ZSCAN31: variants seen among roughly 807,000 people sequenced by gnomAD.
The protein encoded by ZSCAN31 is zinc finger and SCAN domain containing 31, also known as zinc finger and SCAN domain-containing protein 31.
ZSCAN31 carries 14 observed loss-of-function variants against 22.5 expected under a neutral mutation model. That is an observed-to-expected ratio of 0.62 (90% confidence interval 0.41 to 0.97). The LOEUF (loss-of-function observed/expected upper bound fraction) is 0.97, where lower values mean the gene tolerates loss of function less well. Ranked by LOEUF, ZSCAN31 falls within the 50% of genes least tolerant of loss-of-function variation. The probability of loss-of-function intolerance (pLI) is 0.00; values close to 1 mark genes in which losing one functional copy is unlikely to be tolerated. For synonymous variants in ZSCAN31, 168 were observed against 169.8 expected (o/e 0.99, Z 0.08); for missense variants, 424 against 483.4 (o/e 0.88, Z 1.15).
chr6:28,334,461 A>T (rs1048784304), intron 1 of ZSCAN31, among the ~76,000 whole-genome samples: 1 of 152,268 alleles, frequency 6.6e-6, no homozygotes, highest in African/African-American at 2.4e-5. Context: ...GAATGTTTTC[A>T]TTCACGTCAG....
intron 2 of ZSCAN31, among the ~76,000 whole-genome samples, chr6:28,342,258 C>A (rs545322637): frequency 2.6e-5 from 4 of 152,122 alleles, no homozygotes; most frequent in Non-Finnish European, 5.9e-5. Context: ...TGGAACTCTG[C>A]GATTTAGGAT....
intron 2 of ZSCAN31, among the ~76,000 whole-genome samples, chr6:28,352,762 T>G (rs1561929319): frequency 6.6e-6 from 1 of 152,188 alleles, no homozygotes; most frequent in South Asian, 2.1e-4. Flanking sequence ...TGTGGCAGCT[T>G]ATTAGGAGGA....
chr6:28,328,392 A>AC (rs1294143275), intron 2 of ZSCAN31, among the ~76,000 whole-genome samples: 1 of 152,220 alleles, frequency 6.6e-6, no homozygotes, highest in African/African-American at 2.4e-5. Context: ...TCAGAGACCT[A>AC]CCCCCAGGCG....
At chr6:28,327,656 AC>A in intron 2 of ZSCAN31, 123 bp from the exon 3 acceptor site, 2 of 1,150,528 alleles carry the variant, frequency 1.7e-6, no homozygotes, top group Non-Finnish European at 2.4e-6. Context: ...CAGTGGAAGG[AC>A]CAGAGTTTAA....
chr6:28,332,242 C>G (rs969313387), intron 1 of ZSCAN31: 1 of 152,220 alleles, frequency 6.6e-6, no homozygotes, highest in African/African-American at 2.4e-5. Context: ...ACAGACACTT[C>G]TTATTTTTAA....
upstream of ZSCAN31, among the ~76,000 whole-genome samples, chr6:28,338,864 G>GT (rs1764301316): frequency 6.6e-6 from 1 of 152,120 alleles, no homozygotes; most frequent in Admixed American, 6.5e-5. Flanking sequence ...TTTTAAAATT[G>GT]TTGACATTTG....
At chr6:28,327,324 ACTATCGCC>A (rs1763365546) in intron 3 of ZSCAN31, 51 bp downstream of exon 3, 1 of 1,589,540 alleles carries the variant, frequency 6.3e-7, no homozygotes, top group Admixed American at 1.7e-5. Flanking sequence ...CACAGTCTTA[ACTATCGCC>A]CTATATAGAC....
chr6:28,345,154 AAAAAAAG>A (rs760265029), intron 2 of ZSCAN31, among the ~76,000 whole-genome samples: 653 of 149,956 alleles, frequency 4.4e-3, no homozygotes, highest in Middle Eastern at 0.014. Context: ...CAAAAAAAAA[AAAAAAAG>A]AAAAAGAAAA....
chr6:28,355,428 G>A (rs1325873932), upstream of ZSCAN31: 1 of 152,232 alleles, frequency 6.6e-6, no homozygotes, highest in Non-Finnish European at 1.5e-5. Flanking sequence ...CTCTGTCGAG[G>A]AATACTGGAG....
chr6:28,346,282 G>T (rs942098402), intron 2 of ZSCAN31, among the ~76,000 whole-genome samples: 4 of 145,444 alleles, frequency 2.8e-5, no homozygotes, highest in Non-Finnish European at 6.0e-5. Context: ...GAAAAATGAA[G>T]TTTGTCACTC....
intron 3 of ZSCAN31, 99 bp downstream of exon 3, chr6:28,327,284 T>C: frequency 7.0e-7 from 1 of 1,428,360 alleles, no homozygotes; most frequent in Non-Finnish European, 9.5e-7. Context: ...AGCGTTTAAA[T>C]TCCAACCCAG....
upstream of ZSCAN31, chr6:28,356,016 T>A (rs1014296650): frequency 1.3e-5 from 2 of 152,206 alleles, no homozygotes; most frequent in African/African-American, 4.8e-5. Context: ...GATGCCGAGG[T>A]CCAAAGATAC....
At chr6:28,337,405 T>C (rs979584615), upstream of ZSCAN31, among the ~76,000 whole-genome samples, 1 of 152,062 alleles carries the variant, frequency 6.6e-6, no homozygotes, top group African/African-American at 2.4e-5. Flanking sequence ...GGATGGACTG[T>C]AAGGAAATGA....
chr6:28,354,674 AC>A (rs949160351), upstream of ZSCAN31, among the ~76,000 whole-genome samples: 2 of 152,208 alleles, frequency 1.3e-5, no homozygotes, highest in Non-Finnish European at 2.9e-5. Context: ...TGGTGATGTT[AC>A]CCCAATGTTG....
At chr6:28,335,235 A>G (rs1298743537) in intron 1 of ZSCAN31, 1 of 152,160 alleles carries the variant, frequency 6.6e-6, no homozygotes, top group Non-Finnish European at 1.5e-5. Context: ...AAGCCTGGGG[A>G]AAAAATCAGG....
At chr6:28,345,144 C>CAAAAAAA (rs60598517) in intron 2 of ZSCAN31, among the ~76,000 whole-genome samples, 5 of 93,620 alleles carry the variant, frequency 5.3e-5, no homozygotes, top group African/African-American at 1.5e-4. Context: ...AACTGTGTCT[C>CAAAAAAA]AAAAAAAAAA....
At chr6:28,342,445 C>T (rs1277713957) in intron 2 of ZSCAN31, among the ~76,000 whole-genome samples, 1 of 152,172 alleles carries the variant, frequency 6.6e-6, no homozygotes, top group East Asian at 1.9e-4. Flanking sequence ...CCTAGGGTTA[C>T]ATCACAGCAA....
At chr6:28,340,929 G>C (rs184499393), upstream of ZSCAN31, among the ~76,000 whole-genome samples, 1 of 152,140 alleles carries the variant, frequency 6.6e-6, no homozygotes, top group Non-Finnish European at 1.5e-5. Context: ...TGGTTGGCTT[G>C]CAGTGCAGGT....
chr6:28,338,926 A>G (rs1209199244), upstream of ZSCAN31, among the ~76,000 whole-genome samples: 2 of 152,250 alleles, frequency 1.3e-5, no homozygotes, highest in African/African-American at 4.8e-5. Context: ...ATTTCAGGAC[A>G]TTCAAATTTT....
Sources: allele counts gnomAD v4.1 joint callset (sites outside exome capture counted in the v4.1 genomes callset), GRCh38; gene constraint gnomAD v4.1.1; transcripts MANE v1.5; gene names NCBI Gene and HGNC (gene_info 2026-07-23, HGNC 2026-07-21).